Variants in LCORL observed in about 807,000 individuals in gnomAD.
The protein encoded by LCORL is ligand-dependent nuclear receptor corepressor-like protein.
In LCORL, 41 loss-of-function variants were observed where a neutral mutation model predicts 141.8. That is an observed-to-expected ratio of 0.29 (90% CI 0.23 to 0.38). The LOEUF is 0.38. Ranked by LOEUF, LCORL falls within the 10% of genes least tolerant of loss-of-function variation. LCORL has a pLI of 1.00. For synonymous variants in LCORL, 618 were observed against 694.1 expected, an observed-to-expected ratio of 0.89 and a Z score of 1.72; for missense variants, 1,759 against 2,035.0, an observed-to-expected ratio of 0.86 and a Z score of 2.61.
intron 1 of LCORL, among the ~76,000 whole-genome samples, chr4:17,975,696 T>C (rs1372535410): frequency 6.6e-6 from 1 of 152,150 alleles, no homozygotes; most frequent in Non-Finnish European, 1.5e-5. Flanking sequence ...GGGCCCAGCC[T>C]GTTATTGAAA....
intron 5 of LCORL, among the ~76,000 whole-genome samples, chr4:17,898,156 G>A (rs1224067046): frequency 1.3e-5 from 2 of 151,788 alleles, no homozygotes; most frequent in Non-Finnish European, 2.9e-5. Flanking sequence ...ATTATTACTA[G>A]TATTACTAAA....
At position 17,938,034 on chromosome 4, in the gene LCORL, C is replaced by T. The variant is rs188644155; in HGVS notation, c.430+23869G>A. On this transcript the variant is annotated intron_variant, in intron 4 of 7. Transcript: ENST00000635767. ...TTTTTTTTTTTTTGAGACAGAGTTT[C>T]GCTCTTGTTTGCCCAGGCTGGAGTG... Among the ~76,000 whole-genome samples, 478 of 112,208 alleles carry T rather than the reference C, an allele frequency of 4.3e-3. 2 individuals are homozygous for T. The highest frequency in any genetic ancestry group is 0.016 in the African/African-American group (425 of 27,074). 73.6% of individuals were successfully genotyped at this position (112,208 alleles called of 152,430 possible).
At chr4:17,980,208 C>T (rs1053614730) in intron 1 of LCORL, among the ~76,000 whole-genome samples, 1 of 152,206 alleles carries the variant, frequency 6.6e-6, no homozygotes, top group African/African-American at 2.4e-5. Flanking sequence ...CTGCTTCAAA[C>T]TAATTTCATG....
intron 5 of LCORL, chr4:17,893,238 G>T: frequency 2.9e-6 from 1 of 350,850 alleles, no homozygotes; most frequent in Non-Finnish European, 4.0e-6. Context: ...CATTCTTTTA[G>T]ATCCAGCAAT....
exon 8 of LCORL, chr4:17,844,031 G>A (rs1314745260): frequency 6.6e-6 from 1 of 151,934 alleles, no homozygotes; most frequent in East Asian, 1.9e-4. Flanking sequence ...ATTTGTATAT[G>A]GGAGTCCTTG....
At position 17,912,451 on chromosome 4, in the gene LCORL, T is replaced by C. The variant is rs1333881092; in HGVS notation, c.431-3106A>G. 3 of 576,136 alleles carry C rather than the reference T, an allele frequency of 5.2e-6. No homozygotes were observed. The Admixed American group carries it at 6.2e-5, about 12-fold the overall frequency. 35.7% of individuals were successfully genotyped at this position (576,136 alleles called of 1,614,324 possible). On this transcript the variant is annotated intron_variant, in intron 4 of 7. Coordinates refer to ENST00000635767, the Ensembl canonical transcript of LCORL. ...CCTTGCCAAGATCATGGCAGACATC[T>C]GGGCCCAATACGATGAGCTGGCTCA...
chr4:18,006,667 T>C (rs1216686724), intron 1 of LCORL, among the ~76,000 whole-genome samples: 1 of 151,808 alleles, frequency 6.6e-6, no homozygotes, highest in Non-Finnish European at 1.5e-5. Context: ...GCAGGGAAAG[T>C]CCCCTTTTTA....
At chr4:17,847,634 G>A (rs1031892765) in intron 7 of LCORL, among the ~76,000 whole-genome samples, 10 of 152,094 alleles carry the variant, frequency 6.6e-5, no homozygotes, top group Non-Finnish European at 1.5e-4. Flanking sequence ...GTGACAAAGA[G>A]ATCCAAAGTA....
chr4:17,958,509 C>T (rs574852041), intron 4 of LCORL, among the ~76,000 whole-genome samples: 1 of 152,026 alleles, frequency 6.6e-6, no homozygotes, highest in East Asian at 1.9e-4. Context: ...GCCAAAATAA[C>T]TTAGTTTACA....
chr4:17,955,443 T>TA (rs992375651), intron 4 of LCORL, among the ~76,000 whole-genome samples: 4 of 152,216 alleles, frequency 2.6e-5, no homozygotes, highest in Non-Finnish European at 4.4e-5. Context: ...AAACACCTAC[T>TA]GTGTGCTAGT....
chr4:17,857,135 T>C (rs1724448613), intron 7 of LCORL, among the ~76,000 whole-genome samples: 3 of 152,064 alleles, frequency 2.0e-5, no homozygotes, highest in Admixed American at 2.0e-4. Context: ...TGGAGAGTTT[T>C]CAGGCTGCAT....
At chr4:17,866,395 G>A (rs1189003500) in intron 7 of LCORL, among the ~76,000 whole-genome samples, 3 of 152,198 alleles carry the variant, frequency 2.0e-5, no homozygotes, top group Non-Finnish European at 4.4e-5. Flanking sequence ...AACTTGAACC[G>A]TGAGGGTAGG....
intron 4 of LCORL, among the ~76,000 whole-genome samples, chr4:17,952,576 C>T (rs961329417): frequency 3.3e-5 from 5 of 151,926 alleles, no homozygotes; most frequent in Admixed American, 6.6e-5. Flanking sequence ...CCACCACGCC[C>T]GGCTAATTTT....
intron 1 of LCORL, among the ~76,000 whole-genome samples, chr4:17,989,670 T>G (rs1160501813): frequency 6.6e-6 from 1 of 152,176 alleles, no homozygotes; most frequent in African/African-American, 2.4e-5. Context: ...CTATAAAATG[T>G]CTTCATATTG....
intron 1 of LCORL, among the ~76,000 whole-genome samples, chr4:18,001,942 T>C (rs1297915026): frequency 6.6e-6 from 1 of 152,208 alleles, no homozygotes; most frequent in Non-Finnish European, 1.5e-5. Flanking sequence ...CACACATCTA[T>C]ATATCTATGT....
At chr4:17,968,826 C>G (rs142441175) in intron 2 of LCORL, among the ~76,000 whole-genome samples, 4 of 152,086 alleles carry the variant, frequency 2.6e-5, no homozygotes, top group Non-Finnish European at 5.9e-5. Flanking sequence ...AATGTAAGAA[C>G]CATTTTTAGT....
At chr4:17,977,601 C>T (rs1717217399) in intron 1 of LCORL, among the ~76,000 whole-genome samples, 1 of 152,178 alleles carries the variant, frequency 6.6e-6, no homozygotes. Flanking sequence ...ACTGGGTTGT[C>T]AGACATTTTA....
At chr4:17,895,823 C>G (rs1265820824) in intron 5 of LCORL, among the ~76,000 whole-genome samples, 1 of 152,110 alleles carries the variant, frequency 6.6e-6, no homozygotes, top group African/African-American at 2.4e-5. Context: ...TGACTGGCTG[C>G]TTTTACTTAG....
chr4:17,842,433 A>G (rs1158973618), exon 8 of LCORL: 1 of 1,464,738 alleles, frequency 6.8e-7, no homozygotes, highest in East Asian at 2.3e-5. Flanking sequence ...TTTTATTTCT[A>G]CAAGTAGAAA....
Sources: allele counts gnomAD v4.1 joint callset (sites outside exome capture counted in the v4.1 genomes callset), GRCh38; gene constraint gnomAD v4.1.1; transcripts MANE v1.5; gene names NCBI Gene and HGNC (gene_info 2026-07-23, HGNC 2026-07-21).